Variants in ARHGAP19 observed in about 807,000 individuals in gnomAD.
ARHGAP19 encodes Rho GTPase activating protein 19.
Under a neutral mutation model 60.9 loss-of-function variants are expected in ARHGAP19, and 48 were observed. The observed-to-expected ratio is 0.79, with a 90% CI of 0.62 to 1.00. The LOEUF is 1.00. ARHGAP19 is among the 50% of genes least tolerant of loss of function. ARHGAP19 has a pLI of 0.00. For synonymous variants in ARHGAP19, 209 were observed against 215.5 expected (o/e 0.97, Z 0.27); for missense variants, 562 against 597.2 (o/e 0.94, Z 0.61).
At chr10:97,279,561 T>C (rs917702736) in intron 1 of ARHGAP19, among the ~76,000 whole-genome samples, 2 of 152,114 alleles carry the variant, frequency 1.3e-5, no homozygotes, top group Middle Eastern at 3.2e-3. Flanking sequence ...GGCGCAATCA[T>C]GACTCACTGT....
chr10:97,244,044 T>C lies in ARHGAP19; in HGVS notation c.1109A>G (p.Glu370Gly). ...TTGAAACAGCTCTCTCAGTGCCTCT[T>C]CCGTATGGTGCTGGGTCTCCTCCTG... ...PHQEETQHHT[E>G]EALRELFQHV... The change falls in exon 8 of 12, where the codon GAA becomes GGA. Residue 370 changes from glutamate (E) to glycine (G), a missense_variant. Glu to Gly is a moderately conservative substitution (Grantham distance 98). Transcript: ENST00000358531. The C allele has an allele frequency of 6.2e-7, 1 of 1,614,096 alleles. No homozygotes were observed. Among genetic ancestry groups the C allele is most frequent in the Non-Finnish European group, 8.5e-7 (1 of 1,180,006 alleles).
In ARHGAP19 at chr10:97,263,638, C is replaced by T; in HGVS notation, c.404-9G>A. 6.2e-7 allele frequency: 1 copy of T among 1,613,516 alleles called. No individual in the cohort carries two copies. The highest frequency in any genetic ancestry group is 8.5e-7 in the Non-Finnish European group (1 of 1,179,496). ...ACCCTCTACTCGCAAGTCTGTTTAG[C>T]ATAAAACAAAGCAGAGGACAGGCAA... On this transcript the variant is annotated splice_polypyrimidine_tract_variant and intron_variant, in intron 3 of 11. Coordinates refer to ENST00000358531, the MANE Select transcript of ARHGAP19 (RefSeq NM_032900.6).
chr10:97,260,645 T>C (rs1380642667), intron 4 of ARHGAP19, among the ~76,000 whole-genome samples: 1 of 152,186 alleles, frequency 6.6e-6, no homozygotes, highest in Non-Finnish European at 1.5e-5. Context: ...TAAAAAATGT[T>C]GGCAAAGATG....
rs1650610425 is a variant in ARHGAP19, at chr10:97,238,230, G to C, written c.1186-2915C>G. Among the ~76,000 whole-genome samples the C allele has an allele frequency of 1.3e-5, 2 of 152,012 alleles. 1 individual carries two copies. The highest frequency in any genetic ancestry group is 4.8e-5 in the African/African-American group (2 of 41,386). ...GGAGTTTTTTTATTTTTTAGAGACG[G>C]GGTCTCGCTCTGTTGCCCAGGCTGG... On this transcript the variant is annotated intron_variant, in intron 8 of 11. Transcript: ENST00000358531.
chr10:97,244,885 CTTTTT>C (rs529762498), intron 7 of ARHGAP19, among the ~76,000 whole-genome samples: 1 of 131,742 alleles, frequency 7.6e-6, no homozygotes. Flanking sequence ...TAACTTCTCA[CTTTTT>C]TTTTTTTTTT....
chr10:97,241,623 G>A (rs1352917973), intron 8 of ARHGAP19, among the ~76,000 whole-genome samples: 2 of 150,262 alleles, frequency 1.3e-5, no homozygotes, highest in Non-Finnish European at 3.0e-5. Context: ...TGAGGCAGGA[G>A]GATTGCTTGA....
intron 9 of ARHGAP19, among the ~76,000 whole-genome samples, chr10:97,233,005 C>T (rs757586054): frequency 4.6e-5 from 7 of 151,894 alleles, no homozygotes; most frequent in Non-Finnish European, 1.0e-4. Context: ...AAAAATTAGC[C>T]GGGCATGGTG....
chr10:97,252,966 C>T (rs565622704), intron 6 of ARHGAP19, among the ~76,000 whole-genome samples: 17 of 151,992 alleles, frequency 1.1e-4, no homozygotes, highest in Non-Finnish European at 2.5e-4. Context: ...GAATACTATT[C>T]CGCCATAAAA....
chr10:97,259,709 C>A (rs982252773), intron 4 of ARHGAP19, 81 bp from the exon 5 acceptor site: 2 of 951,218 alleles, frequency 2.1e-6, no homozygotes, highest in African/African-American at 3.3e-5. Flanking sequence ...ATCCTCCCCT[C>A]AACTCCCATC....
intron 8 of ARHGAP19, among the ~76,000 whole-genome samples, chr10:97,238,661 ATTACAAGAGTC>A (rs1401756284): frequency 6.6e-6 from 1 of 152,260 alleles, no homozygotes; most frequent in East Asian, 1.9e-4. Context: ...GCTAAGTGTT[ATTACAAGAGTC>A]AGAAAGTTAA....
At chr10:97,278,364 CT>C (rs1037343362) in intron 1 of ARHGAP19, among the ~76,000 whole-genome samples, 23 of 152,250 alleles carry the variant, frequency 1.5e-4, no homozygotes, top group African/African-American at 5.5e-4. Context: ...GATTATGTTT[CT>C]TTTTTTCTTG....
intron 1 of ARHGAP19, among the ~76,000 whole-genome samples, chr10:97,267,996 T>C (rs1842920222): frequency 6.6e-6 from 1 of 152,266 alleles, no homozygotes; most frequent in Admixed American, 6.5e-5. Context: ...ATTTCTGCTG[T>C]CAGCTTGAAT....
chr10:97,292,340 C>G (rs77523571), intron 1 of ARHGAP19, among the ~76,000 whole-genome samples: 4,172 of 152,354 alleles, frequency 0.027, 75 homozygotes, highest in Middle Eastern at 0.051. Context: ...CTGCAGCCAG[C>G]GCAGCGGGAG....
intron 1 of ARHGAP19, among the ~76,000 whole-genome samples, chr10:97,268,617 G>A (rs922918211): frequency 6.6e-6 from 1 of 152,164 alleles, no homozygotes; most frequent in South Asian, 2.1e-4. Context: ...TATGTCTTAC[G>A]TGGCAGCAGG....
intron 1 of ARHGAP19, among the ~76,000 whole-genome samples, chr10:97,283,329 G>A (rs1843110385): frequency 6.6e-6 from 1 of 151,868 alleles, no homozygotes; most frequent in African/African-American, 2.4e-5. Context: ...GGCTGAGGTG[G>A]GTGGATCATG....
intron 5 of ARHGAP19, 59 bp from the exon 6 acceptor site, chr10:97,256,463 C>A: frequency 8.4e-7 from 1 of 1,192,208 alleles, no homozygotes; most frequent in South Asian, 1.2e-5. Context: ...TAGTACTTAC[C>A]AATAAGCCTG....
chr10:97,271,272 C>T (rs1842956354), intron 1 of ARHGAP19, among the ~76,000 whole-genome samples: 1 of 151,890 alleles, frequency 6.6e-6, no homozygotes, highest in South Asian at 2.1e-4. Context: ...TCACTGTATG[C>T]TCTTTTGTAT....
intron 1 of ARHGAP19, among the ~76,000 whole-genome samples, chr10:97,266,867 CAT>C (rs1842905263): frequency 6.6e-6 from 1 of 152,154 alleles, no homozygotes; most frequent in Non-Finnish European, 1.5e-5. Context: ...CCTCTCATGA[CAT>C]GTGGGGATTA....
At position 97,235,306 on chromosome 10, in the gene ARHGAP19, G is replaced by C. The variant is rs149625705; in HGVS notation, c.1195C>G (p.Gln399Glu). 7.6e-5 allele frequency: 122 copies of C among 1,611,094 alleles called. No homozygotes were observed. The highest frequency in any genetic ancestry group is 9.4e-5 in the Non-Finnish European group (111 of 1,177,662). The change falls in exon 9 of 12, where the codon CAA becomes GAA. Residue 399 changes from glutamine to glutamate, a missense_variant. Coordinates refer to ENST00000358531, the MANE Select transcript of ARHGAP19 (RefSeq NM_032900.6). ...KKQLIRQFNK[Q>E]SLTQTPGREP... ...CGCCCTGGTGTCTGGGTCAATGATT[G>C]CTTATTAAACTAAAAGAAAACATGG...
Sources: allele counts gnomAD v4.1 joint callset (sites outside exome capture counted in the v4.1 genomes callset), GRCh38; gene constraint gnomAD v4.1.1; transcripts MANE v1.5; gene names NCBI Gene and HGNC (gene_info 2026-07-23, HGNC 2026-07-21).